Variants in SLC22A5 observed in about 807,000 individuals in gnomAD.
The protein encoded by SLC22A5 is solute carrier family 22 member 5, also known as organic cation/carnitine transporter 2.
A neutral mutation model predicts 56.7 loss-of-function variants in SLC22A5; 44 were observed. The ratio of observed to expected loss-of-function variants is 0.78; its 90% confidence interval spans 0.61 to 1.00. The LOEUF is 1.00. Ranked by LOEUF, SLC22A5 falls within the 50% of genes least tolerant of loss-of-function variation. The probability of loss-of-function intolerance (pLI) is 0.00; values close to 1 mark genes in which losing one functional copy is unlikely to be tolerated. For synonymous variants in SLC22A5, 278 were observed against 292.1 expected (o/e 0.95, Z 0.49); for missense variants, 675 against 723.0 (o/e 0.93, Z 0.76).
At position 132,394,475 on chromosome 5, in the gene SLC22A5, G is replaced by T. The variant is rs138380116; in HGVS notation, c.*203G>T. On this transcript the variant is annotated 3_prime_UTR_variant, in exon 10 of 10. Transcript: ENST00000245407. ...CACCACCTTCCTCTAGGGACACTGG[G>T]GCTACCTACAGACAACTTCATCTAA... 11 of 609,998 alleles carry T rather than the reference G, an allele frequency of 1.8e-5. No individual in the cohort carries two copies. In the East Asian group the frequency reaches 2.8e-4, roughly 15 times the overall value. 37.8% of individuals were successfully genotyped at this position (609,998 alleles called of 1,614,324 possible).
At chr5:132,389,539 G>C (rs1752635046) in intron 6 of SLC22A5, 1 of 169,330 alleles carries the variant, frequency 5.9e-6, no homozygotes, top group Non-Finnish European at 1.3e-5. Context: ...GGCAAAGTAT[G>C]TCAGAAAGGG....
rs1449978973 is a variant in SLC22A5, at chr5:132,395,021, A to T, written c.*749A>T. 1 of 152,296 alleles carries T rather than the reference A, an allele frequency of 6.6e-6. No homozygotes were observed. The highest frequency in any genetic ancestry group is 1.5e-5 in the Non-Finnish European group (1 of 68,070). The allele number at this position is 152,296 out of a possible 1,614,324, so 9.4% of individuals were successfully genotyped here. A position where few individuals can be genotyped will look rare whatever the true frequency, so the allele number is the denominator to read the frequency against. On this transcript the variant is annotated 3_prime_UTR_variant, in exon 10 of 10. Transcript: ENST00000245407. ...GCTGTGGAAACCTCCTTGCTACTATAGCGTCTTATGTATGGTTTAAAGGAA... is the reference window on the plus strand; with the variant it reads ...GCTGTGGAAACCTCCTTGCTACTATTGCGTCTTATGTATGGTTTAAAGGAA...
In SLC22A5 at chr5:132,370,192, G is replaced by A; in HGVS notation, c.220G>A (p.Gly74Ser). ...NHTVPLRLRD[G>S]REVPHSCRRY... is the part of the protein sequence containing the mutation. Reference sequence around the variant, plus strand: ...CACTGTCCCACTGCGGCTGCGGGACGGCCGCGAGGTGCCCCACAGCTGCCG... The same window carrying A: ...CACTGTCCCACTGCGGCTGCGGGACAGCCGCGAGGTGCCCCACAGCTGCCG... Residue 74 changes from glycine to serine, a missense_variant, in exon 1 of 10, where the codon GGC (glycine) becomes AGC (serine). Transcript: ENST00000245407. 1 of 1,594,212 alleles carries A rather than the reference G, an allele frequency of 6.3e-7. No homozygotes were observed. The highest frequency in any genetic ancestry group is 8.5e-7 in the Non-Finnish European group (1 of 1,170,672).
intron 8 of SLC22A5, 108 bp from the exon 9 acceptor site, chr5:132,393,568 C>A: frequency 1.5e-6 from 2 of 1,332,160 alleles, no homozygotes; most frequent in Non-Finnish European, 1.1e-6. Flanking sequence ...GATGTGAGAC[C>A]AAGAAGGAAA....
Position 132,392,584 on chromosome 5 carries a change from C to T in SLC22A5, c.1419C>T (p.Gly473=). ...VGVSSTASRL[G]SILSPYFVYL... ...TCAGCTCCACAGCATCCCGCCTGGG[C>T]AGCATCCTGTCTCCCTACTTCGTTT... Residue 473 remains glycine (G), a synonymous_variant, in exon 8 of 10, where the codon GGC becomes GGT. Coordinates refer to ENST00000245407, the MANE Select transcript of SLC22A5 (RefSeq NM_003060.4). 1 of 1,614,178 alleles carries T rather than the reference C, an allele frequency of 6.2e-7. No individual in the cohort carries two copies. The highest frequency in any genetic ancestry group is 1.1e-5 in the South Asian group (1 of 91,086).
At chr5:132,391,018 A>G (rs1235640017) in intron 7 of SLC22A5, 114 bp downstream of exon 7, 2 of 848,650 alleles carry the variant, frequency 2.4e-6, no homozygotes, top group Non-Finnish European at 3.9e-6. Flanking sequence ...TCCCTTGCTT[A>G]TATACATTCT....
intron 8 of SLC22A5, among the ~76,000 whole-genome samples, chr5:132,393,184 G>A (rs1014277614): frequency 3.9e-5 from 6 of 152,242 alleles, no homozygotes; most frequent in Admixed American, 3.3e-4. Context: ...TTTAGGGAGG[G>A]TGGCACCCAC....
chr5:132,373,261 C>G (rs1019184911), intron 1 of SLC22A5, among the ~76,000 whole-genome samples: 11 of 152,240 alleles, frequency 7.2e-5, no homozygotes, highest in Non-Finnish European at 1.5e-4. Flanking sequence ...GTGACTCCCC[C>G]TGCCCACTGA....
intron 2 of SLC22A5, chr5:132,380,089 A>T (rs1752295197): frequency 6.6e-6 from 1 of 152,398 alleles, no homozygotes; most frequent in African/African-American, 2.4e-5. Context: ...AGGAGTGTCT[A>T]ACAGAGGAGG....
At position 132,392,518 on chromosome 5, in the gene SLC22A5, C is replaced by G. The variant is rs374662740; in HGVS notation, c.1353C>G (p.Ala451=). 6.2e-7 allele frequency: 1 copy of G among 1,613,982 alleles called. No individual in the cohort carries two copies. The highest frequency in any genetic ancestry group is 8.5e-7 in the Non-Finnish European group (1 of 1,179,892). ...TTTCCATGGTCTACGTGTACACAGCCGAGCTGTATCCCACAGTGGTGAGAA... is the reference window on the plus strand; with the variant it reads ...TTTCCATGGTCTACGTGTACACAGCGGAGCTGTATCCCACAGTGGTGAGAA... ...AAFSMVYVYT[A]ELYPTVVRNM... is the part of the protein sequence containing the mutation. Residue 451 remains alanine, a synonymous_variant, in exon 8 of 10, where the codon GCC becomes GCG. Coordinates refer to ENST00000245407, the MANE Select transcript of SLC22A5 (RefSeq NM_003060.4).
At chr5:132,370,953 C>CTTTTTTTTTTTTTTTTTTTTTTTTT in intron 1 of SLC22A5, among the ~76,000 whole-genome samples, 1 of 133,800 alleles carries the variant, frequency 7.5e-6, no homozygotes, top group African/African-American at 2.7e-5. Flanking sequence ...AGTTGTCAGT[C>CTTTTTTTTTTTTTTTTTTTTTTTTT]TTTTTTTTTT....
intron 2 of SLC22A5, chr5:132,383,838 A>T (rs1018797529): frequency 2.3e-4 from 76 of 328,908 alleles, no homozygotes; most frequent in South Asian, 6.1e-4. Flanking sequence ...ATTCTTTTTT[A>T]AAAAAAATAT....
intron 1 of SLC22A5, among the ~76,000 whole-genome samples, chr5:132,372,200 C>T (rs2631359): frequency 0.29 from 43,488 of 151,982 alleles, 6,928 homozygotes; most frequent in South Asian, 0.56. Flanking sequence ...AAATTGGAAC[C>T]TTCAGTTGCC....
intron 1 of SLC22A5, chr5:132,378,166 A>T (rs1377811782): frequency 6.3e-7 from 1 of 1,578,088 alleles, no homozygotes; most frequent in East Asian, 2.3e-5. Flanking sequence ...AATGGAAGCA[A>T]GACAGTGGGG....
Position 132,370,080 on chromosome 5 carries a change from C to G in SLC22A5, c.108C>G (p.Gly36=), listed in dbSNP as rs775432496. 2.5e-6 allele frequency: 4 copies of G among 1,612,866 alleles called. No individual in the cohort carries two copies. The South Asian group carries it at 4.4e-5, about 18-fold the overall frequency. The part of the protein sequence containing the change: ...SASIIPNGFT[G]LSSVFLIATP... ...GCATCATCCCCAATGGCTTCACCGG[C>G]CTGTCCTCCGTGTTCCTGATAGCGA... Residue 36 remains glycine, a synonymous_variant, in exon 1 of 10, where the codon GGC becomes GGG. Transcript: ENST00000245407.
In SLC22A5 at chr5:132,387,122, G is replaced by A. The variant is rs1752559686; in HGVS notation, c.922G>A (p.Val308Met). 2 of 1,614,188 alleles carry A rather than the reference G, an allele frequency of 1.2e-6. No individual in the cohort carries two copies. Among genetic ancestry groups the A allele is most frequent in the Non-Finnish European group, 1.7e-6 (2 of 1,180,032 alleles). ...GGCTGCCAAAGCCAATGGGATTGTT[G>A]TGCCTTCCACTATCTTTGACCCGAG... The part of the protein sequence containing the change: ...RKAAKANGIV[V>M]PSTIFDPSEL... Residue 308 changes from valine (V) to methionine (M), a missense_variant, in exon 5 of 10, where the codon GTG becomes ATG. Coordinates refer to ENST00000245407, the MANE Select transcript of SLC22A5 (RefSeq NM_003060.4).
intron 2 of SLC22A5, 60 bp from the exon 3 acceptor site, chr5:132,384,087 G>A: frequency 6.4e-7 from 1 of 1,560,684 alleles, no homozygotes; most frequent in Non-Finnish European, 8.8e-7. Flanking sequence ...CCCACTTGGT[G>A]GAGCCCATTC....
intron 6 of SLC22A5, chr5:132,390,196 A>G: frequency 4.5e-6 from 1 of 221,244 alleles, no homozygotes. Context: ...CCTCTTCCTG[A>G]CTGGTCACCA....
intron 4 of SLC22A5, among the ~76,000 whole-genome samples, chr5:132,386,510 A>G (rs1054113997): frequency 6.6e-6 from 1 of 152,136 alleles, no homozygotes; most frequent in Non-Finnish European, 1.5e-5. Context: ...GGATTATAGG[A>G]GTGAACCACT....
Sources: allele counts gnomAD v4.1 joint callset (sites outside exome capture counted in the v4.1 genomes callset), GRCh38; gene constraint gnomAD v4.1.1; transcripts MANE v1.5; gene names NCBI Gene and HGNC (gene_info 2026-07-23, HGNC 2026-07-21).